SRPK2: variants seen among roughly 807,000 people sequenced by gnomAD.
SRPK2 encodes SRSF protein kinase 2.
Under a neutral mutation model 90.8 loss-of-function variants are expected in SRPK2, and 21 were observed. The ratio of observed to expected loss-of-function variants is 0.23; its 90% CI spans 0.16 to 0.33. The LOEUF is 0.33. Ranked by LOEUF, SRPK2 falls within the 10% of genes least tolerant of loss-of-function variation. The probability of loss-of-function intolerance (pLI) is 1.00; values close to 1 mark genes in which losing one functional copy is unlikely to be tolerated. For missense variants in SRPK2, 620 were observed against 869.0 expected (o/e 0.71, Z 3.60); for synonymous variants, 288 against 311.1 (o/e 0.93, Z 0.78).
At chr7:105,132,104 G>C (rs1221120601) in intron 13 of SRPK2, among the ~76,000 whole-genome samples, 1 of 152,210 alleles carries the variant, frequency 6.6e-6, no homozygotes, top group African/African-American at 2.4e-5. Flanking sequence ...AGCAAAACAG[G>C]CCTGACAGAT....
At chr7:105,376,442 C>T (rs1820309130) in intron 2 of SRPK2, among the ~76,000 whole-genome samples, 1 of 152,030 alleles carries the variant, frequency 6.6e-6, no homozygotes, top group Non-Finnish European at 1.5e-5. Flanking sequence ...CCACTACTTC[C>T]TGACAACTCA....
At chr7:105,125,743 A>C (rs1230060848) in intron 15 of SRPK2, 1 of 942,258 alleles carries the variant, frequency 1.1e-6, no homozygotes, top group Admixed American at 2.6e-5. Flanking sequence ...TTTTGGGAGA[A>C]GACTATGCTG....
At chr7:105,339,989 C>T (rs933392488) in intron 2 of SRPK2, among the ~76,000 whole-genome samples, 23 of 148,496 alleles carry the variant, frequency 1.5e-4, no homozygotes, top group Non-Finnish European at 4.4e-5. Context: ...GTCCAGGAGG[C>T]GGAAACTGCA....
intron 2 of SRPK2, among the ~76,000 whole-genome samples, chr7:105,227,893 C>CAAAAAAAAA (rs566478716): frequency 1.2e-5 from 1 of 84,692 alleles, no homozygotes. Flanking sequence ...TATCATTCAG[C>CAAAAAAAAA]AAAAAAAAAA....
At chr7:105,243,480 T>C (rs912539600) in intron 2 of SRPK2, among the ~76,000 whole-genome samples, 1 of 152,108 alleles carries the variant, frequency 6.6e-6, no homozygotes, top group Non-Finnish European at 1.5e-5. Context: ...AAGACTAGTC[T>C]GGCCGACATG....
intron 15 of SRPK2, among the ~76,000 whole-genome samples, chr7:105,120,654 A>T (rs1166759550): frequency 7.1e-6 from 1 of 139,930 alleles, no homozygotes; most frequent in Non-Finnish European, 1.6e-5. Context: ...AACCGCCTCT[A>T]AAAAAAAAAA....
chr7:105,277,317 C>T (rs543228897), intron 2 of SRPK2, among the ~76,000 whole-genome samples: 1 of 152,274 alleles, frequency 6.6e-6, no homozygotes, highest in Admixed American at 6.5e-5. Flanking sequence ...ACCTCATGAT[C>T]CACCCAGCTC....
chr7:105,316,505 G>C (rs183011762), intron 2 of SRPK2, among the ~76,000 whole-genome samples: 6 of 152,238 alleles, frequency 3.9e-5, no homozygotes, highest in Admixed American at 3.3e-4. Context: ...GAGCCCACCA[G>C]ATAAACTACA....
chr7:105,143,831 A>C (rs1322237962), intron 9 of SRPK2: 1 of 153,450 alleles, frequency 6.5e-6, no homozygotes, highest in South Asian at 2.0e-4. Flanking sequence ...CTGCAAAGGG[A>C]AAAAAGAAAA....
intron 2 of SRPK2, among the ~76,000 whole-genome samples, chr7:105,277,301 C>G (rs1806653264): frequency 6.6e-6 from 1 of 152,186 alleles, no homozygotes; most frequent in South Asian, 2.1e-4. Context: ...TGGTCTTGAT[C>G]TCCTGACCTC....
chr7:105,380,914 T>G (rs534622336), intron 2 of SRPK2, among the ~76,000 whole-genome samples: 8 of 145,854 alleles, frequency 5.5e-5, no homozygotes, highest in African/African-American at 2.0e-4. Context: ...CTGTACTGAA[T>G]TTTTTACCAT....
At position 105,388,585 on chromosome 7, in the gene SRPK2, C is replaced by T. The variant is rs372623675; in HGVS notation, c.71+63G>A. ...GGGACCCGGACAACTTTCCCCTGCG[C>T]GGCCGCGGGCGCCCCCGACGGGGCG... On this transcript the variant is annotated intron_variant, in intron 2 of 15. Transcript: ENST00000393651. The T allele has an allele frequency of 2.4e-4, 362 of 1,482,314 alleles. 1 individual carries two copies. The African/African-American group carries it at 4.7e-3, about 19-fold the overall frequency. 91.8% of individuals were successfully genotyped at this position (1,482,314 alleles called of 1,614,324 possible). A position where few individuals can be genotyped will look rare whatever the true frequency, so the allele number is the denominator to read the frequency against.
In SRPK2 at chr7:105,379,374, G is replaced by A. The variant is rs187287621; in HGVS notation, c.71+9274C>T. Among the ~76,000 whole-genome samples, 40 of 152,216 alleles carry A rather than the reference G, an allele frequency of 2.6e-4. 1 individual carries two copies. Among genetic ancestry groups the A allele is most frequent in the Admixed American group, 1.8e-3 (27 of 15,266 alleles). On this transcript the variant is annotated intron_variant, in intron 2 of 15. Transcript: ENST00000393651. ...TAATTTAAAATATACAGGAGGATGTGTGAAGGTTACAAGGGACTTGAGTAT... is the reference window on the plus strand; with the variant it reads ...TAATTTAAAATATACAGGAGGATGTATGAAGGTTACAAGGGACTTGAGTAT...
chr7:105,337,828 T>C (rs999090735), intron 2 of SRPK2, among the ~76,000 whole-genome samples: 6 of 152,230 alleles, frequency 3.9e-5, no homozygotes, highest in East Asian at 1.9e-4. Flanking sequence ...TGGTATTTTG[T>C]TATGGCAGCC....
chr7:105,279,644 T>G (rs961005894), intron 2 of SRPK2, among the ~76,000 whole-genome samples: 6 of 152,348 alleles, frequency 3.9e-5, no homozygotes, highest in Admixed American at 2.0e-4. Flanking sequence ...ATTTGAGAAC[T>G]AAATACAACA....
chr7:105,201,134 C>T (rs1402782242), intron 3 of SRPK2, among the ~76,000 whole-genome samples: 6 of 152,328 alleles, frequency 3.9e-5, no homozygotes, highest in African/African-American at 1.4e-4. Flanking sequence ...GAGAAGGCCA[C>T]AGGTCTTATT....
chr7:105,132,547 TAAG>T (rs1412115893), intron 13 of SRPK2, among the ~76,000 whole-genome samples: 1 of 152,152 alleles, frequency 6.6e-6, no homozygotes, highest in African/African-American at 2.4e-5. Context: ...TGCAGGGCCT[TAAG>T]AAGAGACCAT....
At chr7:105,306,270 A>G in intron 2 of SRPK2, 1 of 235,408 alleles carries the variant, frequency 4.2e-6, no homozygotes, top group South Asian at 4.9e-5. Flanking sequence ...AAGACACACC[A>G]TAATCTTTTC....
At chr7:105,128,606 C>T (rs1240535920) in intron 13 of SRPK2, among the ~76,000 whole-genome samples, 4 of 152,200 alleles carry the variant, frequency 2.6e-5, no homozygotes, top group Non-Finnish European at 5.9e-5. Context: ...AATGGGACAA[C>T]GAGGACTTGA....
Sources: allele counts gnomAD v4.1 joint callset (sites outside exome capture counted in the v4.1 genomes callset), GRCh38; gene constraint gnomAD v4.1.1; transcripts MANE v1.5; gene names NCBI Gene and HGNC (gene_info 2026-07-23, HGNC 2026-07-21).